SSBP2: variants seen among roughly 807,000 people sequenced by gnomAD.
SSBP2 encodes single stranded DNA binding protein 2.
Under a neutral mutation model 61.8 loss-of-function variants are expected in SSBP2, and 17 were observed. That is an observed-to-expected ratio of 0.28 (90% CI 0.19 to 0.41). The LOEUF is 0.41. Ranked by LOEUF, SSBP2 falls within the 10% of genes least tolerant of loss-of-function variation. The pLI is 1.00. For missense variants in SSBP2, 310 were observed against 458.7 expected (o/e 0.68, Z 2.96); for synonymous variants, 139 against 141.3 (o/e 0.98, Z 0.12).
At position 81,563,215 on chromosome 5, in the gene SSBP2, G is replaced by T. The variant is rs183097338; in HGVS notation, c.283-49498C>A. On this transcript the variant is annotated intron_variant, in intron 4 of 16. Transcript: ENST00000320672. ...AATAGAGAATCCACACATATATGGC[G>T]ATTTTCAACAAAGATGCAAATACAA... 6.6e-4 allele frequency among the ~76,000 whole-genome samples: 100 copies of T among 152,228 alleles called. 1 individual carries two copies. Among genetic ancestry groups the T allele is most frequent in the Non-Finnish European group, 1.2e-3 (79 of 67,994 alleles).
At position 81,650,296 on chromosome 5, in the gene SSBP2, G is replaced by T; in HGVS notation, c.106C>A (p.Gln36Lys). The T allele has an allele frequency of 6.3e-7, 1 of 1,592,430 alleles. No homozygotes were observed. Among genetic ancestry groups the T allele is most frequent in the Non-Finnish European group, 8.5e-7 (1 of 1,169,902 alleles). Residue 36 changes from glutamine (Q) to lysine (K), a missense_variant, in exon 2 of 17, where the codon CAG (glutamine) becomes AAG (lysine). Physicochemically the swap from Gln to Lys is moderately conservative, Grantham distance 53. Coordinates refer to ENST00000320672, the MANE Select transcript of SSBP2 (RefSeq NM_012446.5). ...GATAAAAATGTTTGAGCTGATTTCTGAGCTCCTACATGGAGCAGATATTCA... is the reference window on the plus strand; with the variant it reads ...GATAAAAATGTTTGAGCTGATTTCTTAGCTCCTACATGGAGCAGATATTCA...
At chr5:81,475,769 G>A (rs1397962180) in intron 6 of SSBP2, among the ~76,000 whole-genome samples, 1 of 152,064 alleles carries the variant, frequency 6.6e-6, no homozygotes, top group Non-Finnish European at 1.5e-5. Flanking sequence ...TCAGTTTAGG[G>A]ATCACTTCCT....
chr5:81,740,172 C>A (rs1756917609), intron 1 of SSBP2, among the ~76,000 whole-genome samples: 1 of 152,022 alleles, frequency 6.6e-6, no homozygotes, highest in African/African-American at 2.4e-5. Context: ...AAACTACTCT[C>A]AAGATATACA....
chr5:81,587,018 A>G (rs957153431), intron 4 of SSBP2, among the ~76,000 whole-genome samples: 2 of 151,950 alleles, frequency 1.3e-5, no homozygotes, highest in African/African-American at 4.8e-5. Flanking sequence ...GACTCTTCTA[A>G]GCTTGCATCT....
rs1414087802 is a variant in SSBP2 at position 81,588,994 on chromosome 5, G to A, written c.282+26479C>T. On this transcript the variant is annotated intron_variant, in intron 4 of 16. Coordinates refer to ENST00000320672, the MANE Select transcript of SSBP2 (RefSeq NM_012446.5). ...TGGAAAAAACTCCTTGAGCCCAGGAGGTAGAGGCTGCAGTGAGCTGTGACT... is the reference window on the plus strand; with the variant it reads ...TGGAAAAAACTCCTTGAGCCCAGGAAGTAGAGGCTGCAGTGAGCTGTGACT... Among the ~76,000 whole-genome samples the A allele has an allele frequency of 9.9e-5, 15 of 152,192 alleles. 1 individual carries two copies.
chr5:81,467,105 G>T, intron 8 of SSBP2, 40 bp from the exon 9 acceptor site: 1 of 1,365,568 alleles, frequency 7.3e-7, no homozygotes, highest in Non-Finnish European at 1.0e-6. Flanking sequence ...GAGGAGGGGG[G>T]AAAGAAAGGA....
chr5:81,529,704 A>AG (rs1770250539), intron 4 of SSBP2, among the ~76,000 whole-genome samples: 1 of 152,148 alleles, frequency 6.6e-6, no homozygotes, highest in South Asian at 2.1e-4. Context: ...GAAGAACAAC[A>AG]TAGATATGCA....
intron 6 of SSBP2, among the ~76,000 whole-genome samples, chr5:81,478,780 CT>C (rs1765770073): frequency 6.6e-6 from 1 of 152,098 alleles, no homozygotes; most frequent in Admixed American, 6.5e-5. Context: ...CAGATTCTTG[CT>C]TTTTTTAAGT....
intron 4 of SSBP2, among the ~76,000 whole-genome samples, chr5:81,572,136 C>A (rs1280977574): frequency 6.6e-6 from 1 of 152,076 alleles, no homozygotes; most frequent in East Asian, 1.9e-4. Context: ...ATTTTGATGG[C>A]CTACTACATA....
rs576207614 is a variant in SSBP2, at chr5:81,492,516, A to G, written c.373-3207T>C. Among the ~76,000 whole-genome samples, 70 of 152,198 alleles carry G rather than the reference A, an allele frequency of 4.6e-4. 1 individual carries two copies. In the South Asian group the frequency reaches 0.014, roughly 31 times the overall value. ...AAGACTCTTTCTCAAAACAAAACGA[A>G]ACAAAAAAACAGGCAGAAAAGAGTG... On this transcript the variant is annotated intron_variant, in intron 5 of 16. Transcript: ENST00000320672.
At chr5:81,717,728 A>T (rs1755254896) in intron 1 of SSBP2, among the ~76,000 whole-genome samples, 1 of 152,118 alleles carries the variant, frequency 6.6e-6, no homozygotes, top group East Asian at 1.9e-4. Flanking sequence ...TTGCTGCTTC[A>T]ATCCATCTGT....
At chr5:81,683,512 G>C (rs1302737892) in intron 1 of SSBP2, among the ~76,000 whole-genome samples, 2 of 152,150 alleles carry the variant, frequency 1.3e-5, no homozygotes, top group Non-Finnish European at 2.9e-5. Flanking sequence ...AAATGAAAAT[G>C]TAAAACAATA....
intron 1 of SSBP2, among the ~76,000 whole-genome samples, chr5:81,657,821 T>G (rs189202852): frequency 1.8e-4 from 28 of 152,358 alleles, no homozygotes; most frequent in Admixed American, 1.0e-3. Flanking sequence ...TTGTGTGACT[T>G]AATTTTAGTC....
At chr5:81,432,451 T>C (rs1178331029) in intron 15 of SSBP2, among the ~76,000 whole-genome samples, 1 of 152,174 alleles carries the variant, frequency 6.6e-6, no homozygotes, top group Non-Finnish European at 1.5e-5. Context: ...GCTTTTCTTC[T>C]AAGAAAACAA....
At chr5:81,449,497 C>T (rs1033378457) in intron 10 of SSBP2, among the ~76,000 whole-genome samples, 1 of 152,096 alleles carries the variant, frequency 6.6e-6, no homozygotes, top group Non-Finnish European at 1.5e-5. Context: ...TGCTGTACAT[C>T]CATAAGAGAT....
intron 1 of SSBP2, among the ~76,000 whole-genome samples, chr5:81,701,674 G>A (rs1693777077): frequency 6.6e-6 from 1 of 152,114 alleles, no homozygotes; most frequent in South Asian, 2.1e-4. Context: ...TATTTTAGTT[G>A]TACCAAAACA....
chr5:81,723,792 AT>A lies in SSBP2; in HGVS notation c.62+27188del, dbSNP rs555235390. 1.4e-4 allele frequency among the ~76,000 whole-genome samples: 22 copies of A among 152,136 alleles called. 2 individuals carry two copies. The East Asian group carries it at 4.2e-3, about 29-fold the overall frequency. ...TGTTGGACCAGACACGGTATATATC[AT>A]TACCAAGACATAGCAACAGGGACAA... On this transcript the variant is annotated intron_variant, in intron 1 of 16. Coordinates refer to ENST00000320672, the MANE Select transcript of SSBP2 (RefSeq NM_012446.5).
intron 4 of SSBP2, among the ~76,000 whole-genome samples, chr5:81,522,895 T>G (rs1159950314): frequency 6.6e-6 from 1 of 152,060 alleles, no homozygotes. Context: ...AGAATAGTAT[T>G]CAATCCTTTA....
intron 4 of SSBP2, among the ~76,000 whole-genome samples, chr5:81,562,376 G>A (rs1773114781): frequency 6.6e-6 from 1 of 152,068 alleles, no homozygotes; most frequent in Admixed American, 6.6e-5. Context: ...TTTCCCATAT[G>A]CTATCTTTCA....
Sources: allele counts gnomAD v4.1 joint callset (sites outside exome capture counted in the v4.1 genomes callset), GRCh38; gene constraint gnomAD v4.1.1; transcripts MANE v1.5; gene names NCBI Gene and HGNC (gene_info 2026-07-23, HGNC 2026-07-21).